Variants in CD109 observed in about 807,000 individuals in gnomAD.
The protein encoded by CD109 is CD109 antigen.
In CD109, 149 loss-of-function variants were observed where a neutral mutation model predicts 165.8. That is an observed-to-expected ratio of 0.90 (90% CI 0.79 to 1.03). The LOEUF (loss-of-function observed/expected upper bound fraction) is 1.03, where lower values mean the gene tolerates loss of function less well. Ranked by LOEUF, CD109 falls within the 50% of genes least tolerant of loss-of-function variation. CD109 has a pLI of 0.00. For synonymous variants in CD109, 585 were observed against 592.1 expected (o/e 0.99, Z 0.18); for missense variants, 1,712 against 1,677.8 (o/e 1.02, Z -0.36).
intron 2 of CD109, among the ~76,000 whole-genome samples, chr6:73,709,951 A>G (rs1027827690): frequency 4.6e-5 from 7 of 152,232 alleles, no homozygotes; most frequent in African/African-American, 1.7e-4. Flanking sequence ...TAAAAATAAT[A>G]AGAGCTATTC....
chr6:73,710,813 C>T lies in CD109; in HGVS notation c.248-12438C>T, dbSNP rs79954442. On this transcript the variant is annotated intron_variant, in intron 2 of 32. Transcript: ENST00000287097. ...TTTCTGTAAAGGGCCAGATGTTAAGCATGTAGGTTTTGCCAACCTTCAGGT... is the reference window on the plus strand; with the variant it reads ...TTTCTGTAAAGGGCCAGATGTTAAGTATGTAGGTTTTGCCAACCTTCAGGT... Among the ~76,000 whole-genome samples, 454 of 152,220 alleles carry T rather than the reference C, an allele frequency of 3.0e-3. 1 individual carries two copies. Among genetic ancestry groups the T allele is most frequent in the African/African-American group, 0.01 (435 of 41,528 alleles).
At chr6:73,681,148 A>G in the CD109 span, among the ~76,000 whole-genome samples, 1 of 152,138 alleles carries the variant, frequency 6.6e-6, no homozygotes, top group African/African-American at 2.4e-5. Flanking sequence ...ATTTAAATCC[A>G]TGGCTTTGTT....
the CD109 span, among the ~76,000 whole-genome samples, chr6:73,680,155 A>AT: frequency 6.6e-6 from 1 of 152,150 alleles, no homozygotes; most frequent in Non-Finnish European, 1.5e-5. Context: ...ATTTCAAGCC[A>AT]TTTTTATATT....
chr6:73,790,359 G>A (rs540757201), intron 22 of CD109, among the ~76,000 whole-genome samples: 12 of 152,224 alleles, frequency 7.9e-5, no homozygotes, highest in African/African-American at 2.9e-4. Context: ...GCCTCCCAAA[G>A]TGCCAGGATT....
chr6:73,757,933 A>G (rs905732490), intron 6 of CD109, among the ~76,000 whole-genome samples: 9 of 152,050 alleles, frequency 5.9e-5, no homozygotes, highest in African/African-American at 1.7e-4. Context: ...TTTATATCCC[A>G]TTGTGATGGT....
intron 23 of CD109, among the ~76,000 whole-genome samples, chr6:73,800,277 C>A (rs1451171358): frequency 1.3e-5 from 2 of 152,124 alleles, no homozygotes. Context: ...CCGAGATATT[C>A]CTCATTCTTT....
chr6:73,783,020 G>A (rs1256562799), intron 18 of CD109, among the ~76,000 whole-genome samples: 1 of 147,134 alleles, frequency 6.8e-6, no homozygotes, highest in Admixed American at 6.9e-5. Context: ...TGACTTCCTT[G>A]AAGTCTCATG....
intron 22 of CD109, among the ~76,000 whole-genome samples, 156 bp downstream of exon 22, chr6:73,788,768 A>C (rs1184973294): frequency 6.6e-6 from 1 of 152,230 alleles, no homozygotes; most frequent in Non-Finnish European, 1.5e-5. Context: ...TATGAAGGCT[A>C]GCAAATTATG....
intron 5 of CD109, among the ~76,000 whole-genome samples, chr6:73,743,086 C>T (rs751617002): frequency 2.0e-5 from 3 of 152,194 alleles, no homozygotes; most frequent in Non-Finnish European, 2.9e-5. Context: ...GTGCTACTTT[C>T]TGCTATTTAC....
rs1776310170 is a variant in CD109 at position 73,827,377 on chromosome 6, A to G, written c.*3744A>G. On this transcript the variant is annotated 3_prime_UTR_variant, in exon 33 of 33. Coordinates refer to ENST00000287097, the MANE Select transcript of CD109 (RefSeq NM_133493.5). ...CGGTAGAGGCTTCTGTCGGACAGGC[A>G]GAAGAGTGTATTCCTCACTTTTTTT... The G allele has an allele frequency of 1.3e-5, 2 of 152,216 alleles. No individual in the cohort carries two copies. Among genetic ancestry groups the G allele is most frequent in the East Asian group, 3.9e-4 (2 of 5,194 alleles). 9.4% of individuals were successfully genotyped at this position (152,216 alleles called of 1,614,324 possible).
In CD109 at chr6:73,759,487, T is replaced by A. The variant is rs144649851; in HGVS notation, c.758+459T>A. On this transcript the variant is annotated intron_variant, in intron 7 of 32. Coordinates refer to ENST00000287097, the MANE Select transcript of CD109 (RefSeq NM_133493.5). ...CACCACTCCTGGGCTGATTTGCTTT[T>A]TAAAAATTAGTCAAGCTTTTATTTT... Among the ~76,000 whole-genome samples the A allele has an allele frequency of 2.2e-3, 337 of 152,288 alleles. 3 individuals are homozygous for A. The highest frequency in any genetic ancestry group is 7.9e-3 in the African/African-American group (330 of 41,576).
intron 26 of CD109, 120 bp downstream of exon 26, chr6:73,808,368 A>G: frequency 2.1e-6 from 2 of 960,628 alleles, no homozygotes; most frequent in South Asian, 1.7e-5. Flanking sequence ...AAAGTAAAAC[A>G]CATAATGAGA....
At chr6:73,691,346 G>T (rs532767795), upstream of CD109, among the ~76,000 whole-genome samples, 3 of 152,304 alleles carry the variant, frequency 2.0e-5, 1 homozygote, top group East Asian at 5.8e-4. Flanking sequence ...GGGAGGTGGG[G>T]TACCCCATAC....
rs1773911261 is a variant in CD109, at chr6:73,768,030, T to G, written c.1498-25T>G. 1.9e-6 allele frequency: 3 copies of G among 1,593,946 alleles called. No individual in the cohort carries two copies. The African/African-American group carries it at 4.0e-5, about 21-fold the overall frequency. Reference sequence around the variant, plus strand: ...GATCCTACTAGGTTTGGCAATAAATTAAACCCATCTACTGTTCTTTTCAGG... The same window carrying G: ...GATCCTACTAGGTTTGGCAATAAATGAAACCCATCTACTGTTCTTTTCAGG... On this transcript the variant is annotated intron_variant, in intron 13 of 32. Coordinates refer to ENST00000287097, the MANE Select transcript of CD109 (RefSeq NM_133493.5).
At chr6:73,735,077 A>T (rs1772493668) in intron 4 of CD109, among the ~76,000 whole-genome samples, 1 of 152,214 alleles carries the variant, frequency 6.6e-6, no homozygotes, top group Admixed American at 6.5e-5. Context: ...GCAGTTGCAG[A>T]GACCTACATG....
At chr6:73,808,616 A>G (rs1355189854) in intron 26 of CD109, among the ~76,000 whole-genome samples, 2 of 152,124 alleles carry the variant, frequency 1.3e-5, no homozygotes, top group East Asian at 1.9e-4. Flanking sequence ...AGTTTTCCCA[A>G]CTGTAAAGTG....
At chr6:73,745,490 C>T (rs1210785125) in intron 5 of CD109, among the ~76,000 whole-genome samples, 1 of 152,090 alleles carries the variant, frequency 6.6e-6, no homozygotes, top group Non-Finnish European at 1.5e-5. Context: ...GGAGAAGATA[C>T]CTACTTCTTT....
intron 22 of CD109, among the ~76,000 whole-genome samples, chr6:73,789,188 A>G (rs1170128438): frequency 1.3e-5 from 2 of 152,212 alleles, no homozygotes; most frequent in Non-Finnish European, 2.9e-5. Context: ...ACTCCTCCCT[A>G]GGGCAGTTCT....
intron 32 of CD109, among the ~76,000 whole-genome samples, chr6:73,821,272 C>T (rs867091294): frequency 1.2e-4 from 18 of 152,120 alleles, no homozygotes; most frequent in Middle Eastern, 6.9e-3. Flanking sequence ...CAAACCTGCA[C>T]GTTGTGCACA....
Sources: gnomAD v4.1 joint callset for allele counts (sites outside exome capture counted in the v4.1 genomes callset) on GRCh38, gnomAD v4.1.1 for gene constraint, MANE v1.5 for transcripts, NCBI Gene and HGNC (gene_info 2026-07-23, HGNC 2026-07-21) for gene names.